The following TSEN2 variants were observed in gnomAD, a reference collection of about 807,000 sequenced individuals.
TSEN2 encodes tRNA-splicing endonuclease subunit Sen2.
TSEN2 carries 54 observed loss-of-function variants against 59.2 expected under a neutral mutation model. The observed-to-expected ratio is 0.91, with a 90% CI of 0.73 to 1.14. TSEN2 has a LOEUF of 1.14. TSEN2 is among the 50% of genes most tolerant of loss of function. The pLI is 0.00. For synonymous variants in TSEN2, 195 were observed against 198.2 expected (o/e 0.98, Z 0.14); for missense variants, 636 against 576.2 (o/e 1.10, Z -1.06).
At chr3:12,528,161 A>G (rs1273869336) in intron 8 of TSEN2, among the ~76,000 whole-genome samples, 2 of 152,196 alleles carry the variant, frequency 1.3e-5, no homozygotes, top group African/African-American at 4.8e-5. Context: ...CTGTCACAGT[A>G]GCTGGCCAGA....
At chr3:12,513,855 AAG>A (rs923943681) in intron 6 of TSEN2, among the ~76,000 whole-genome samples, 1 of 152,256 alleles carries the variant, frequency 6.6e-6, no homozygotes, top group Non-Finnish European at 1.5e-5. Flanking sequence ...ACAGCTGTGA[AAG>A]AAATGGAACG....
At chr3:12,517,828 A>C (rs953767971) in intron 7 of TSEN2, among the ~76,000 whole-genome samples, 2 of 152,166 alleles carry the variant, frequency 1.3e-5, no homozygotes, top group African/African-American at 4.8e-5. Flanking sequence ...ACATCTGAAC[A>C]ACACTGGGCT....
intron 3 of TSEN2, among the ~76,000 whole-genome samples, chr3:12,493,095 T>C (rs1278369247): frequency 6.6e-6 from 1 of 152,228 alleles, no homozygotes; most frequent in Non-Finnish European, 1.5e-5. Context: ...CCTGCCATAG[T>C]GTCTATCAGA....
intron 3 of TSEN2, among the ~76,000 whole-genome samples, chr3:12,494,640 A>G (rs1157629054): frequency 6.6e-6 from 1 of 151,756 alleles, no homozygotes. Flanking sequence ...ACCTCAAGTG[A>G]TCTGCCTGCC....
intron 1 of TSEN2, among the ~76,000 whole-genome samples, chr3:12,489,096 A>T (rs1434381846): frequency 6.6e-6 from 1 of 150,948 alleles, no homozygotes; most frequent in Non-Finnish European, 1.5e-5. Context: ...AATCACAGAG[A>T]GAGTCAGTGA....
intron 6 of TSEN2, among the ~76,000 whole-genome samples, chr3:12,509,575 A>C (rs1449048318): frequency 6.6e-6 from 1 of 152,110 alleles, no homozygotes; most frequent in Non-Finnish European, 1.5e-5. Context: ...GTTTAATTTT[A>C]CTGTGTGTGC....
At chr3:12,530,134 T>TG in intron 10 of TSEN2, 4 of 1,364,112 alleles carry the variant, frequency 2.9e-6, no homozygotes, top group Non-Finnish European at 3.8e-6. Context: ...TGTCCCATGG[T>TG]GATCTGATCT....
chr3:12,501,984 G>A (rs761334662), intron 4 of TSEN2, among the ~76,000 whole-genome samples: 5 of 152,168 alleles, frequency 3.3e-5, no homozygotes, highest in Non-Finnish European at 7.4e-5. Flanking sequence ...TAACTTGGGT[G>A]TTAGCTTCAA....
upstream of TSEN2, among the ~76,000 whole-genome samples, chr3:12,482,031 G>A (rs542653224): frequency 6.6e-6 from 1 of 151,956 alleles, no homozygotes; most frequent in South Asian, 2.1e-4. Context: ...ATCATGTCTG[G>A]GATTGTTTTA....
intron 6 of TSEN2, among the ~76,000 whole-genome samples, chr3:12,507,797 G>A (rs759811827): frequency 2.6e-5 from 4 of 152,138 alleles, no homozygotes; most frequent in East Asian, 1.9e-4. Flanking sequence ...TATTAGGTGC[G>A]TAATACTTAT....
chr3:12,501,659 T>C (rs79002000), intron 4 of TSEN2, among the ~76,000 whole-genome samples: 3,741 of 152,258 alleles, frequency 0.025, 67 homozygotes, highest in South Asian at 0.059. Context: ...GCGTGTCATC[T>C]TTGCACAGGG....
chr3:12,527,590 A>G (rs1280937045), intron 8 of TSEN2, among the ~76,000 whole-genome samples: 1 of 151,958 alleles, frequency 6.6e-6, no homozygotes, highest in Non-Finnish European at 1.5e-5. Context: ...GAGGACAGCT[A>G]ACAGCTTACA....
At chr3:12,498,434 C>T (rs2053970081) in intron 4 of TSEN2, among the ~76,000 whole-genome samples, 1 of 152,152 alleles carries the variant, frequency 6.6e-6, no homozygotes, top group Non-Finnish European at 1.5e-5. Flanking sequence ...TGTGTTATCA[C>T]CTTAGTTGAT....
chr3:12,519,843 A>G (rs1002777593), intron 8 of TSEN2, among the ~76,000 whole-genome samples: 1 of 152,244 alleles, frequency 6.6e-6, no homozygotes, highest in African/African-American at 2.4e-5. Context: ...CCCGGGCCTC[A>G]GTGGCCTCAT....
intron 4 of TSEN2, among the ~76,000 whole-genome samples, chr3:12,497,080 C>T (rs2053824498): frequency 6.6e-6 from 1 of 152,218 alleles, no homozygotes; most frequent in African/African-American, 2.4e-5. Context: ...TCCTTACCAC[C>T]GTCCCCTCCT....
intron 6 of TSEN2, among the ~76,000 whole-genome samples, chr3:12,513,353 C>T (rs990032571): frequency 2.6e-5 from 4 of 152,114 alleles, no homozygotes; most frequent in African/African-American, 9.7e-5. Flanking sequence ...AGGCCAGCCA[C>T]GGTGGGTCAT....
intron 7 of TSEN2, among the ~76,000 whole-genome samples, chr3:12,517,095 C>T (rs982495291): frequency 1.1e-4 from 16 of 152,140 alleles, no homozygotes; most frequent in African/African-American, 3.9e-4. Context: ...CGCCTGTAAT[C>T]CCAGCACACT....
At chr3:12,502,856 G>A (rs1343133979) in intron 4 of TSEN2, among the ~76,000 whole-genome samples, 2 of 152,030 alleles carry the variant, frequency 1.3e-5, no homozygotes, top group Non-Finnish European at 2.9e-5. Flanking sequence ...GGCGGATCGT[G>A]AGGTCAGGAG....
At chr3:12,505,353 A>G in intron 6 of TSEN2, 122 bp downstream of exon 6, 2 of 736,400 alleles carry the variant, frequency 2.7e-6, no homozygotes, top group African/African-American at 1.7e-5. Context: ...GTAATTCAGT[A>G]TTGAAATCAC....
Sources: allele counts gnomAD v4.1 joint callset (sites outside exome capture counted in the v4.1 genomes callset), GRCh38; gene constraint gnomAD v4.1.1; transcripts MANE v1.5; gene names NCBI Gene and HGNC (gene_info 2026-07-23, HGNC 2026-07-21).